NRDC: variants seen among roughly 807,000 people sequenced by gnomAD.
The protein encoded by NRDC is nardilysin.
A neutral mutation model predicts 147.1 loss-of-function variants in NRDC; 54 were observed. The observed-to-expected ratio is 0.37, with a 90% confidence interval of 0.29 to 0.46. NRDC has a LOEUF of 0.46. Ranked by LOEUF, NRDC falls within the 20% of genes least tolerant of loss-of-function variation. The pLI is 1.00. For missense variants in NRDC, 1,082 were observed against 1,370.6 expected, an observed-to-expected ratio of 0.79 and a Z score of 3.33; for synonymous variants, 440 against 482.1, an observed-to-expected ratio of 0.91 and a Z score of 1.14.
intron 1 of NRDC, among the ~76,000 whole-genome samples, chr1:51,873,242 T>A (rs1042622820): frequency 6.6e-6 from 1 of 152,138 alleles, no homozygotes; most frequent in Non-Finnish European, 1.5e-5. Flanking sequence ...AGGCTTCTGC[T>A]CAGTATACGT....
chr1:51,868,721 A>T (rs778006403), intron 1 of NRDC, among the ~76,000 whole-genome samples: 1 of 151,932 alleles, frequency 6.6e-6, no homozygotes, highest in Non-Finnish European at 1.5e-5. Flanking sequence ...TCTCTACAAA[A>T]ATTAGCCAGG....
At chr1:51,848,832 A>C in intron 1 of NRDC, among the ~76,000 whole-genome samples, 1 of 152,206 alleles carries the variant, frequency 6.6e-6, no homozygotes, top group East Asian at 1.9e-4. Context: ...CATTTTATGG[A>C]TGAGGAAACT....
chr1:51,855,040 GC>G (rs1682164128), intron 1 of NRDC, among the ~76,000 whole-genome samples: 1 of 152,150 alleles, frequency 6.6e-6, no homozygotes, highest in Non-Finnish European at 1.5e-5. Context: ...TTTAGAAAAA[GC>G]TTTGCCTCCT....
At chr1:51,877,012 C>A (rs983419067) in intron 1 of NRDC, among the ~76,000 whole-genome samples, 3 of 151,946 alleles carry the variant, frequency 2.0e-5, no homozygotes, top group African/African-American at 7.3e-5. Flanking sequence ...TATGGTGAAA[C>A]CCCGTCTCCA....
chr1:51,795,890 CA>C (rs201276441), intron 22 of NRDC, among the ~76,000 whole-genome samples: 2 of 150,598 alleles, frequency 1.3e-5, no homozygotes, highest in African/African-American at 2.4e-5. Context: ...TTTAAACAAA[CA>C]AAAAAAAACA....
At chr1:51,811,791 T>A (rs1353146459) in intron 15 of NRDC, among the ~76,000 whole-genome samples, 1 of 152,174 alleles carries the variant, frequency 6.6e-6, no homozygotes, top group African/African-American at 2.4e-5. Flanking sequence ...GAGTTTGATT[T>A]TCTCCTTATA....
chr1:51,876,870 T>C (rs553406707), intron 1 of NRDC, among the ~76,000 whole-genome samples: 13 of 152,320 alleles, frequency 8.5e-5, no homozygotes, highest in African/African-American at 3.1e-4. Flanking sequence ...CAGCTTTCAA[T>C]TCACATAAGC....
chr1:51,794,363 G>A (rs1244755310), intron 24 of NRDC, 109 bp downstream of exon 24: 26 of 1,079,322 alleles, frequency 2.4e-5, no homozygotes, highest in African/African-American at 1.6e-5. Context: ...AGGACAAATG[G>A]CCCCAAGCAT....
At chr1:51,865,035 A>G (rs1682738377) in intron 1 of NRDC, among the ~76,000 whole-genome samples, 1 of 152,038 alleles carries the variant, frequency 6.6e-6, no homozygotes, top group Admixed American at 6.6e-5. Context: ...CAAACCATAA[A>G]AGATCAATAA....
At chr1:51,844,844 AGG>A (rs1681469685) in intron 1 of NRDC, among the ~76,000 whole-genome samples, 1 of 124,794 alleles carries the variant, frequency 8.0e-6, no homozygotes, top group African/African-American at 3.7e-5. Flanking sequence ...GAAGGAAGGA[AGG>A]AAGGAAGGAA....
At chr1:51,837,556 T>C (rs779628584) in intron 2 of NRDC, 1 of 1,594,336 alleles carries the variant, frequency 6.3e-7, no homozygotes, top group Non-Finnish European at 8.6e-7. Context: ...CATTTTTGAA[T>C]AAGTTGACTT....
At chr1:51,878,013 C>T in intron 1 of NRDC, 3 of 1,332,554 alleles carry the variant, frequency 2.3e-6, no homozygotes, top group Non-Finnish European at 2.9e-6. Context: ...AAGAAACCTT[C>T]ATTCTTGCTT....
chr1:51,826,458 G>A (rs114353383), intron 5 of NRDC, among the ~76,000 whole-genome samples: 1,956 of 152,174 alleles, frequency 0.013, 45 homozygotes, highest in African/African-American at 0.045. Context: ...TAAAAATGAA[G>A]AAGTAAGTAA....
At chr1:51,835,203 AG>A (rs972119016) in intron 3 of NRDC, among the ~76,000 whole-genome samples, 2 of 151,822 alleles carry the variant, frequency 1.3e-5, no homozygotes, top group African/African-American at 4.8e-5. Flanking sequence ...CTGGAACTCT[AG>A]GTGTGCGCCA....
rs2149186462 is a variant in NRDC at position 51,794,745 on chromosome 1, A to G, written c.2636+78T>C. ...TAGTATTTCAATTGGGTGTTTAGTA[A>G]CAATTAACTGAATTGTGGCTCCATG... On this transcript the variant is annotated intron_variant, in intron 23 of 30. Transcript: ENST00000352171. 4 of 1,592,796 alleles carry G rather than the reference A, an allele frequency of 2.5e-6. No homozygotes were observed. The South Asian group carries it at 4.5e-5, about 18-fold the overall frequency.
At chr1:51,835,496 T>G (rs1680921782) in intron 3 of NRDC, among the ~76,000 whole-genome samples, 1 of 146,964 alleles carries the variant, frequency 6.8e-6, no homozygotes, top group Admixed American at 6.7e-5. Flanking sequence ...TGAGACAGTC[T>G]TGCTCTATCA....
At chr1:51,806,063 A>C (rs187041415) in intron 18 of NRDC, among the ~76,000 whole-genome samples, 87 of 152,346 alleles carry the variant, frequency 5.7e-4, no homozygotes, top group African/African-American at 1.7e-3. Context: ...TAAATGACAT[A>C]CAAGAGCACC....
chr1:51,823,668 G>C lies in NRDC; in HGVS notation c.1155C>G (p.Ser385=). ...AGAGCCATAATTAATAGTTACCTTT[G>C]GATTGAACCACTAAAGTCATGTAAT... ...SSHYMTLVVQ[S]KETLDTLEKW... Residue 385 remains serine, a synonymous_variant, in exon 7 of 31, where the codon TCC becomes TCG. Transcript: ENST00000352171. 1 of 1,606,826 alleles carries C rather than the reference G, an allele frequency of 6.2e-7. No individual in the cohort carries two copies. Among genetic ancestry groups the C allele is most frequent in the South Asian group, 1.1e-5 (1 of 89,794 alleles).
At chr1:51,835,795 G>A (rs1234999293) in intron 3 of NRDC, among the ~76,000 whole-genome samples, 2 of 152,138 alleles carry the variant, frequency 1.3e-5, no homozygotes, top group Non-Finnish European at 2.9e-5. Flanking sequence ...GTTTGGCTGG[G>A]GGCCTTGCTA....
Sources: gnomAD v4.1 joint callset for allele counts (sites outside exome capture counted in the v4.1 genomes callset) on GRCh38, gnomAD v4.1.1 for gene constraint, MANE v1.5 for transcripts, NCBI Gene and HGNC (gene_info 2026-07-23, HGNC 2026-07-21) for gene names.